STC2: variants seen among roughly 807,000 people sequenced by gnomAD.
The protein encoded by STC2 is stanniocalcin-2.
Under a neutral mutation model 22.7 loss-of-function variants are expected in STC2, and 7 were observed. The observed-to-expected ratio is 0.31, with a 90% confidence interval of 0.18 to 0.58. STC2 has a LOEUF of 0.58. STC2 is among the 20% of genes least tolerant of loss of function. The pLI is 0.89. For synonymous variants in STC2, 158 were observed against 163.4 expected (o/e 0.97, Z 0.25); for missense variants, 336 against 406.2 (o/e 0.83, Z 1.48).
At chr5:173,320,801 TTCTC>T (rs1581138892) in intron 3 of STC2, among the ~76,000 whole-genome samples, 2 of 151,252 alleles carry the variant, frequency 1.3e-5, no homozygotes, top group South Asian at 2.1e-4. Context: ...GCAAATTCAG[TTCTC>T]TCTTTTTTTT....
rs1762426913 is a variant in STC2, at chr5:173,316,831, T to C, written c.*1016A>G. 6.6e-6 allele frequency: 1 copy of C among 152,180 alleles called. No individual in the cohort carries two copies. Among genetic ancestry groups the C allele is most frequent in the African/African-American group, 2.4e-5 (1 of 41,442 alleles). 9.4% of individuals were successfully genotyped at this position (152,180 alleles called of 1,614,324 possible). A position where few individuals can be genotyped will look rare whatever the true frequency, so the allele number is the denominator to read the frequency against. On this transcript the variant is annotated 3_prime_UTR_variant, in exon 4 of 4. Coordinates refer to ENST00000265087, the MANE Select transcript of STC2 (RefSeq NM_003714.3). ...ATCTTGGCTGAGGGTCAAGGTGAGA[T>C]AACGAAATCCTAAGGGAAATTTGTC... is the stretch of plus-strand genomic sequence containing the variant.
intron 1 of STC2, among the ~76,000 whole-genome samples, chr5:173,327,779 T>C (rs1274164471): frequency 6.6e-6 from 1 of 152,196 alleles, no homozygotes; most frequent in Non-Finnish European, 1.5e-5. Flanking sequence ...CGCTGCTTCA[T>C]TTCCCCTCGA....
intron 3 of STC2, among the ~76,000 whole-genome samples, chr5:173,320,434 G>A (rs1762469860): frequency 6.6e-6 from 1 of 152,206 alleles, no homozygotes; most frequent in African/African-American, 2.4e-5. Context: ...CTGGCCTGGT[G>A]CCTTCTGAGG....
rs555619466 is a variant in STC2 at position 173,327,894 on chromosome 5, G to T, written c.151+149C>A. 8.6e-6 allele frequency: 9 copies of T among 1,049,294 alleles called. No individual in the cohort carries two copies. In the African/African-American group the frequency reaches 1.2e-4, roughly 13 times the overall value. The allele number at this position is 1,049,294 out of a possible 1,614,324, so 65.0% of individuals were successfully genotyped here. A position where few individuals can be genotyped will look rare whatever the true frequency, so the allele number is the denominator to read the frequency against. On this transcript the variant is annotated intron_variant, in intron 1 of 3. Coordinates refer to ENST00000265087, the MANE Select transcript of STC2 (RefSeq NM_003714.3). ...CCCGGCGCGGACCTCGCCTTGCCTC[G>T]CGCTTCCCTTTGCACGTCCCGTGCC...
At chr5:173,321,034 GC>G (rs1420090842) in intron 3 of STC2, among the ~76,000 whole-genome samples, 6 of 152,054 alleles carry the variant, frequency 3.9e-5, no homozygotes, top group Admixed American at 3.3e-4. Context: ...GCCTAGAGAT[GC>G]TGACTTAGGG....
chr5:173,318,394 G>T, intron 3 of STC2, 145 bp from the exon 4 acceptor site: 2 of 867,122 alleles, frequency 2.3e-6, no homozygotes, highest in Non-Finnish European at 3.1e-6. Context: ...TTCGGTGGAA[G>T]ATCTCTCTCA....
Position 173,325,707 on chromosome 5 carries a change from G to T in STC2, c.294+161C>A. On this transcript the variant is annotated intron_variant, in intron 2 of 3. Transcript: ENST00000265087. The surrounding 1 kb of genome is among the most constrained non-coding windows in gnomAD (Gnocchi z 4.7). Reference sequence around the variant, plus strand: ...TAGACACAGCTTATGAGTGCAGAAGGGAGACACTGGCATAATGTTTTATAC... The same window carrying T: ...TAGACACAGCTTATGAGTGCAGAAGTGAGACACTGGCATAATGTTTTATAC... The T allele has an allele frequency of 1.0e-6, 1 of 955,872 alleles. No homozygotes were observed. Among genetic ancestry groups the T allele is most frequent in the Non-Finnish European group, 1.6e-6 (1 of 626,644 alleles). 59.2% of individuals were successfully genotyped at this position (955,872 alleles called of 1,614,324 possible).
At chr5:173,327,881 C>A (rs1247378505) in intron 1 of STC2, among the ~76,000 whole-genome samples, 162 bp downstream of exon 1, 1 of 152,238 alleles carries the variant, frequency 6.6e-6, no homozygotes, top group Non-Finnish European at 1.5e-5. Context: ...CGGCGCGGAC[C>A]TCGCCTTGCC....
intron 3 of STC2, among the ~76,000 whole-genome samples, chr5:173,322,692 T>C (rs4867702): frequency 0.46 from 69,723 of 152,038 alleles, 17,180 homozygotes; most frequent in Admixed American, 0.59. Context: ...AGGTCCCAAG[T>C]CTGGCTTTGC....
At position 173,328,133 on chromosome 5, in the gene STC2, G is replaced by C; in HGVS notation, c.61C>G (p.Pro21Ala). 1 of 1,600,290 alleles carries C rather than the reference G, an allele frequency of 6.2e-7. No homozygotes were observed. Among genetic ancestry groups the C allele is most frequent in the Non-Finnish European group, 8.5e-7 (1 of 1,173,504 alleles). ...TLALVLATFD[P>A]ARGTDATNPP... is the part of the protein sequence containing the mutation. Reference sequence around the variant, plus strand: ...TTGGTGGCGTCGGTCCCCCGCGCCGGGTCAAAGGTGGCCAACACCAAAGCC... The same window carrying C: ...TTGGTGGCGTCGGTCCCCCGCGCCGCGTCAAAGGTGGCCAACACCAAAGCC... The change falls in exon 1 of 4, where the codon CCG (proline) becomes GCG (alanine). Residue 21 changes from proline to alanine, a missense_variant. Physicochemically the swap from Pro to Ala is conservative, Grantham distance 27. Transcript: ENST00000265087.
Position 173,317,901 on chromosome 5 carries a change from G to A in STC2, c.855C>T (p.Ser285=), listed in dbSNP as rs372848810. The A allele has an allele frequency of 8.1e-6, 13 of 1,607,222 alleles. No homozygotes were observed. The highest frequency in any genetic ancestry group is 1.1e-5 in the South Asian group (1 of 90,672). The stretch of plus-strand genomic sequence containing the variant: ...GTTCGTCTTCCCACTCGCTGCTTCC[G>A]GAAGGTCCCTGAGCCCCAAGGCCCC... The part of the protein sequence containing the change: ...RVGGLGAQGP[S]GSSEWEDEQS... The change falls in exon 4 of 4, where the codon TCC becomes TCT. Residue 285 remains serine, a synonymous_variant. Transcript: ENST00000265087.
chr5:173,326,185 T>C (rs1762544190), intron 1 of STC2, among the ~76,000 whole-genome samples, 175 bp from the exon 2 acceptor site: 1 of 152,178 alleles, frequency 6.6e-6, no homozygotes, highest in Non-Finnish European at 1.5e-5. Flanking sequence ...CGTCCTTTAA[T>C]CTACTCATGA....
At chr5:173,320,308 G>T (rs1762468839) in intron 3 of STC2, among the ~76,000 whole-genome samples, 1 of 152,236 alleles carries the variant, frequency 6.6e-6, no homozygotes, top group African/African-American at 2.4e-5. Context: ...ATCCCAGAAG[G>T]CTGGATGAGC....
At chr5:173,327,602 C>T (rs768094597) in intron 1 of STC2, among the ~76,000 whole-genome samples, 1 of 152,258 alleles carries the variant, frequency 6.6e-6, no homozygotes, top group Non-Finnish European at 1.5e-5. Context: ...AGGGGGAAGA[C>T]GCGGCACCCT....
intron 1 of STC2, among the ~76,000 whole-genome samples, chr5:173,327,777 C>T (rs1200175165): frequency 6.6e-6 from 1 of 152,236 alleles, no homozygotes; most frequent in Admixed American, 6.5e-5. Context: ...GACGCTGCTT[C>T]ATTTCCCCTC....
intron 1 of STC2, chr5:173,326,696 T>G (rs1329996609): frequency 6.6e-6 from 1 of 151,992 alleles, no homozygotes; most frequent in Non-Finnish European, 1.5e-5. Context: ...TAATTAGGGA[T>G]CCGGGTGAGG....
At position 173,317,741 on chromosome 5, in the gene STC2, A is replaced by T. The variant is rs1762438572; in HGVS notation, c.*106T>A. ...CGATGAAGTCCACAGTCCCCACAGA[A>T]TCCTGCGTGTGACATCCCCCCTCTC... On this transcript the variant is annotated 3_prime_UTR_variant, in exon 4 of 4. Transcript: ENST00000265087. The T allele has an allele frequency of 7.0e-7, 1 of 1,421,336 alleles. No homozygotes were observed. The highest frequency in any genetic ancestry group is 9.4e-7 in the Non-Finnish European group (1 of 1,065,644). 88.0% of individuals were successfully genotyped at this position (1,421,336 alleles called of 1,614,324 possible).
chr5:173,327,778 A>G (rs1169277), intron 1 of STC2, among the ~76,000 whole-genome samples: 57 of 152,286 alleles, frequency 3.7e-4, no homozygotes, highest in Non-Finnish European at 7.2e-4. Context: ...ACGCTGCTTC[A>G]TTTCCCCTCG....
rs757981117 is a variant in STC2, at chr5:173,318,078, C to T, written c.678G>A (p.Gln226=). The T allele has an allele frequency of 1.3e-5, 21 of 1,607,658 alleles. No homozygotes were observed. The highest frequency in any genetic ancestry group is 6.6e-5 in the South Asian group (6 of 90,868). The change falls in exon 4 of 4, where the codon CAG becomes CAA. Residue 226 remains glutamine (Q), a synonymous_variant. Coordinates refer to ENST00000265087, the MANE Select transcript of STC2 (RefSeq NM_003714.3). ...AGAGCTTGGTTCTGTCCACCTGGGG[C>T]TGGCGCTCGGGGGGCGCCGTGGGAG... ...QKPPTAPPER[Q]PQVDRTKLSR...
Sources: allele counts gnomAD v4.1 joint callset (sites outside exome capture counted in the v4.1 genomes callset), GRCh38; gene constraint gnomAD v4.1.1; non-coding constraint Gnocchi (gnomAD v3.1); transcripts MANE v1.5; gene names NCBI Gene and HGNC (gene_info 2026-07-23, HGNC 2026-07-21).